The following SPIDR variants were observed in gnomAD, a reference collection of about 807,000 sequenced individuals.
SPIDR encodes scaffold protein involved in DNA repair.
Under a neutral mutation model 104.6 loss-of-function variants are expected in SPIDR, and 93 were observed. The ratio of observed to expected loss-of-function variants is 0.89; its 90% confidence interval spans 0.75 to 1.06. The LOEUF is 1.06. Ranked by LOEUF, SPIDR falls within the 50% of genes least tolerant of loss-of-function variation. SPIDR has a pLI of 0.00. For synonymous variants in SPIDR, 431 were observed against 416.9 expected, an observed-to-expected ratio of 1.03 and a Z score of -0.41; for missense variants, 1,154 against 1,111.2, an observed-to-expected ratio of 1.04 and a Z score of -0.55.
chr8:47,729,766 TAGAGCA>T, intron 19 of SPIDR: 2 of 344,826 alleles, frequency 5.8e-6, no homozygotes, highest in South Asian at 9.5e-5. Context: ...CTGTCCAGGC[TAGAGCA>T]CAGTGGCGTG....
intron 11 of SPIDR, among the ~76,000 whole-genome samples, chr8:47,691,845 C>T (rs990731513): frequency 3.9e-5 from 6 of 152,282 alleles, no homozygotes; most frequent in African/African-American, 9.6e-5. Flanking sequence ...GAAAAGGAAG[C>T]GCAACCACTC....
chr8:47,507,283 A>G (rs2081628728), intron 8 of SPIDR, among the ~76,000 whole-genome samples: 1 of 152,222 alleles, frequency 6.6e-6, no homozygotes, highest in African/African-American at 2.4e-5. Flanking sequence ...ATATGTGCCC[A>G]TAAAGCGTCT....
chr8:47,478,150 T>G (rs1172516805), intron 8 of SPIDR, among the ~76,000 whole-genome samples: 1 of 152,054 alleles, frequency 6.6e-6, no homozygotes, highest in Non-Finnish European at 1.5e-5. Context: ...ACGCATCAGG[T>G]CTGTGTTTTA....
chr8:47,482,866 C>A (rs782319192), intron 8 of SPIDR, among the ~76,000 whole-genome samples: 1 of 151,956 alleles, frequency 6.6e-6, no homozygotes, highest in Admixed American at 6.6e-5. Context: ...GACAGAGTCT[C>A]GCACTGTCGC....
intron 11 of SPIDR, among the ~76,000 whole-genome samples, chr8:47,681,457 G>C (rs2077091168): frequency 6.6e-6 from 1 of 152,120 alleles, no homozygotes; most frequent in Admixed American, 6.5e-5. Flanking sequence ...ATTTTAGGAA[G>C]ATGAAGTCTG....
intron 6 of SPIDR, among the ~76,000 whole-genome samples, chr8:47,398,024 G>A (rs1554659720): frequency 6.6e-6 from 1 of 152,168 alleles, no homozygotes; most frequent in African/African-American, 2.4e-5. Context: ...GGGATGGTCA[G>A]GGCACAGAGA....
At position 47,431,067 on chromosome 8, in the gene SPIDR, T is replaced by C. The variant is rs1237528516; in HGVS notation, c.878-9256T>C. Among the ~76,000 whole-genome samples, 4 of 152,178 alleles carry C rather than the reference T, an allele frequency of 2.6e-5. No individual in the cohort carries two copies. The East Asian group carries it at 7.7e-4, about 29-fold the overall frequency. Reference sequence around the variant, plus strand: ...AGACTGTGACGTAAAGAGCAGACAGTTCTTTCTCACAGTGCTGGAGGCTGG... The same window carrying C: ...AGACTGTGACGTAAAGAGCAGACAGCTCTTTCTCACAGTGCTGGAGGCTGG... On this transcript the variant is annotated intron_variant, in intron 7 of 19. Coordinates refer to ENST00000297423, the MANE Select transcript of SPIDR (RefSeq NM_001080394.4).
At chr8:47,446,246 T>G (rs1646473772) in intron 8 of SPIDR, among the ~76,000 whole-genome samples, 1 of 152,226 alleles carries the variant, frequency 6.6e-6, no homozygotes. Flanking sequence ...CATTTACCAT[T>G]TTGAAAATTC....
At chr8:47,530,596 A>G (rs2085808282) in intron 8 of SPIDR, among the ~76,000 whole-genome samples, 1 of 152,194 alleles carries the variant, frequency 6.6e-6, no homozygotes, top group Non-Finnish European at 1.5e-5. Context: ...CAGGACTGGA[A>G]GTTGTTCTGG....
At chr8:47,407,403 T>G (rs1563879748) in intron 6 of SPIDR, among the ~76,000 whole-genome samples, 1 of 152,208 alleles carries the variant, frequency 6.6e-6, no homozygotes. Context: ...CACTTTACAT[T>G]TCTTTGCTCC....
At chr8:47,506,491 C>A (rs1166685243) in intron 8 of SPIDR, among the ~76,000 whole-genome samples, 1 of 151,992 alleles carries the variant, frequency 6.6e-6, no homozygotes, top group Non-Finnish European at 1.5e-5. Flanking sequence ...ATTCTGGGAT[C>A]CTGTAACCTA....
At chr8:47,361,248 T>A (rs1474916578) in intron 5 of SPIDR, among the ~76,000 whole-genome samples, 1 of 152,214 alleles carries the variant, frequency 6.6e-6, no homozygotes, top group African/African-American at 2.4e-5. Context: ...AGGCAGTGCA[T>A]GAATTTATCA....
chr8:47,614,221 T>A (rs571545562), intron 10 of SPIDR, among the ~76,000 whole-genome samples: 2 of 152,282 alleles, frequency 1.3e-5, no homozygotes, highest in East Asian at 1.9e-4. Flanking sequence ...CTTTTTTTTT[T>A]TATTTTTTAA....
At chr8:47,288,463 T>C (rs2039284124) in intron 3 of SPIDR, among the ~76,000 whole-genome samples, 1 of 152,126 alleles carries the variant, frequency 6.6e-6, no homozygotes, top group African/African-American at 2.4e-5. Flanking sequence ...TTTTTGTATT[T>C]TTAGTAGAGA....
At chr8:47,291,228 T>C in intron 4 of SPIDR, 91 bp downstream of exon 4, 1 of 797,048 alleles carries the variant, frequency 1.3e-6, no homozygotes, top group Non-Finnish European at 1.9e-6. Flanking sequence ...TTGATAATTT[T>C]GTTAGGAATC....
chr8:47,285,128 G>C (rs1326713452), intron 3 of SPIDR, among the ~76,000 whole-genome samples: 2 of 152,198 alleles, frequency 1.3e-5, no homozygotes, highest in African/African-American at 2.4e-5. Context: ...CCTAATTAAA[G>C]GTGCTTCAGT....
At chr8:47,410,745 G>T (rs1482555322) in intron 7 of SPIDR, among the ~76,000 whole-genome samples, 1 of 152,082 alleles carries the variant, frequency 6.6e-6, no homozygotes, top group South Asian at 2.1e-4. Flanking sequence ...TGCCATGTTG[G>T]TGTGCTGCAC....
chr8:47,463,081 G>A (rs1586126980), intron 8 of SPIDR, among the ~76,000 whole-genome samples: 1 of 152,010 alleles, frequency 6.6e-6, no homozygotes, highest in South Asian at 2.1e-4. Context: ...TCCAATGGCC[G>A]GGCGCGGTGA....
At chr8:47,636,274 A>T (rs879330043) in intron 10 of SPIDR, among the ~76,000 whole-genome samples, 16 of 152,102 alleles carry the variant, frequency 1.1e-4, no homozygotes, top group Non-Finnish European at 2.1e-4. Flanking sequence ...TTAATCAGCA[A>T]ATGTGTGTGT....
Sources: allele counts gnomAD v4.1 joint callset (sites outside exome capture counted in the v4.1 genomes callset), GRCh38; gene constraint gnomAD v4.1.1; transcripts MANE v1.5; gene names NCBI Gene and HGNC (gene_info 2026-07-23, HGNC 2026-07-21).